The following LAMA3 variants were observed in gnomAD, a reference collection of about 807,000 sequenced individuals.
LAMA3 encodes the protein laminin subunit alpha-3.
A neutral mutation model predicts 402.0 loss-of-function variants in LAMA3; 281 were observed. The observed-to-expected ratio is 0.70, with a 90% confidence interval of 0.63 to 0.77. The LOEUF is 0.77. Ranked by LOEUF, LAMA3 falls within the 30% of genes least tolerant of loss-of-function variation. The pLI, the probability that LAMA3 is intolerant of heterozygous loss-of-function variation, is 0.00. For missense variants in LAMA3, 3,840 were observed against 4,215.5 expected (o/e 0.91, Z 2.47); for synonymous variants, 1,431 against 1,558.4 (o/e 0.92, Z 1.93).
intron 2 of LAMA3, among the ~76,000 whole-genome samples, chr18:23,726,907 C>A (rs931745425): frequency 6.6e-6 from 1 of 152,054 alleles, no homozygotes; most frequent in Non-Finnish European, 1.5e-5. Context: ...AGTGAGCTAC[C>A]GTGCCCGGCC....
In LAMA3 at chr18:23,949,917, C is replaced by T. The variant is rs201759849; in HGVS notation, c.9504C>T (p.Val3168=). ...GIYFSEEGGH[V]VLAHSVLLGP... ...ATTTCTCTGAAGAAGGAGGTCATGT[C>T]GTCTTGGGTAAGGAGCAGTTCTATA... Residue 3168 remains valine (V), a synonymous_variant, in exon 71 of 75, where the codon GTC becomes GTT. Coordinates refer to ENST00000313654, the MANE Select transcript of LAMA3 (RefSeq NM_198129.4). The T allele has an allele frequency of 7.7e-5, 125 of 1,613,974 alleles. No homozygotes were observed. In the East Asian group the frequency reaches 2.7e-3, roughly 35 times the overall value.
chr18:23,922,559 G>T (rs2081878776), intron 62 of LAMA3, among the ~76,000 whole-genome samples: 1 of 152,184 alleles, frequency 6.6e-6, no homozygotes, highest in Non-Finnish European at 1.5e-5. Context: ...GAACCTGGGG[G>T]TGACATCTTT....
chr18:23,839,854 G>A lies in LAMA3; in HGVS notation c.3261G>A (p.Arg1087=). 1.2e-6 allele frequency: 2 copies of A among 1,614,180 alleles called. No homozygotes were observed. Among genetic ancestry groups the A allele is most frequent in the Non-Finnish European group, 1.7e-6 (2 of 1,180,032 alleles). ...TALILDVLSG[R]PFPHLPQQSS... is the part of the protein sequence containing the mutation. ...TAATTTTGGATGTTCTAAGTGGCAG[G>A]CCTTTCCCTCACCTGCCCCAGCAGT... Residue 1087 remains arginine, a synonymous_variant, in exon 27 of 75, where the codon AGG becomes AGA. Transcript: ENST00000313654. This position sits in a 1 kb window ranked among gnomAD's most constrained non-coding sequence, Gnocchi z 4.5.
chr18:23,867,193 C>T (rs1330424095), intron 36 of LAMA3, among the ~76,000 whole-genome samples: 1 of 152,194 alleles, frequency 6.6e-6, no homozygotes, highest in Non-Finnish European at 1.5e-5. Flanking sequence ...TTTCTTCCCA[C>T]CGCAGGCTGG....
chr18:23,834,083 T>C, intron 24 of LAMA3, 95 bp downstream of exon 24: 1 of 1,420,704 alleles, frequency 7.0e-7, no homozygotes, highest in Non-Finnish European at 9.9e-7. Context: ...GAGGTTATTT[T>C]CTTTTTGAGG....
intron 43 of LAMA3, 99 bp from the exon 44 acceptor site, chr18:23,894,808 T>A (rs2080816878): frequency 6.7e-7 from 1 of 1,482,360 alleles, no homozygotes; most frequent in Admixed American, 1.7e-5. Context: ...CCCGTGACGA[T>A]CTGCGTGCAT....
At chr18:23,815,310 G>T in intron 16 of LAMA3, 70 bp downstream of exon 16, 2 of 1,462,130 alleles carry the variant, frequency 1.4e-6, no homozygotes, top group Non-Finnish European at 1.9e-6. Flanking sequence ...GTTTCTGGGG[G>T]CGTGTGTTAG....
chr18:23,700,963 G>C (rs1226026366), intron 1 of LAMA3, among the ~76,000 whole-genome samples: 2 of 152,188 alleles, frequency 1.3e-5, no homozygotes, highest in Admixed American at 1.3e-4. Flanking sequence ...CTCCAAAAGT[G>C]CTGGGATTAC....
At chr18:23,852,788 A>G (rs2063975380) in intron 32 of LAMA3, among the ~76,000 whole-genome samples, 1 of 152,068 alleles carries the variant, frequency 6.6e-6, no homozygotes, top group Non-Finnish European at 1.5e-5. Context: ...AACTTTTAGT[A>G]CCTTTTTGTT....
At chr18:23,921,789 G>A (rs1259724348) in intron 62 of LAMA3, among the ~76,000 whole-genome samples, 1 of 152,218 alleles carries the variant, frequency 6.6e-6, no homozygotes, top group Non-Finnish European at 1.5e-5. Context: ...AGGAGGGTGG[G>A]GGAATGTGTG....
At chr18:23,751,849 T>A (rs1349512716) in intron 5 of LAMA3, among the ~76,000 whole-genome samples, 1 of 152,146 alleles carries the variant, frequency 6.6e-6, no homozygotes, top group Non-Finnish European at 1.5e-5. Flanking sequence ...TTCCACCCTC[T>A]GATCTACTGG....
chr18:23,693,500 C>A (rs1206442399), intron 1 of LAMA3, among the ~76,000 whole-genome samples: 1 of 150,494 alleles, frequency 6.6e-6, no homozygotes, highest in African/African-American at 2.4e-5. Context: ...TAGCAGGATT[C>A]CCTCAGCTCT....
intron 12 of LAMA3, among the ~76,000 whole-genome samples, chr18:23,796,452 GGCAAA>G (rs1254521535): frequency 6.6e-6 from 1 of 152,104 alleles, no homozygotes; most frequent in African/African-American, 2.4e-5. Context: ...AAGACAGGGT[GGCAAA>G]ACTATGTGTC....
chr18:23,836,853 GA>G, intron 24 of LAMA3, 127 bp from the exon 25 acceptor site: 1 of 718,224 alleles, frequency 1.4e-6, no homozygotes. Context: ...CATCATGCAG[GA>G]AAATTCACTA....
chr18:23,941,206 G>T (rs867064846), intron 68 of LAMA3, among the ~76,000 whole-genome samples: 12 of 151,964 alleles, frequency 7.9e-5, no homozygotes, highest in Admixed American at 4.6e-4. Context: ...AAAGTGCTGG[G>T]ATTACAGGCG....
intron 22 of LAMA3, 54 bp from the exon 23 acceptor site, chr18:23,827,260 G>A (rs1395869158): frequency 7.0e-6 from 11 of 1,579,544 alleles, no homozygotes; most frequent in South Asian, 3.3e-5. Context: ...TTGATATTCC[G>A]TTTGATGTTC....
intron 23 of LAMA3, among the ~76,000 whole-genome samples, chr18:23,829,992 G>A (rs57107986): frequency 0.034 from 5,218 of 152,198 alleles, 281 homozygotes; most frequent in African/African-American, 0.12. Flanking sequence ...CGATCTGGCC[G>A]CTGTCTCCTA....
intron 62 of LAMA3, among the ~76,000 whole-genome samples, chr18:23,924,056 T>C (rs977124197): frequency 1.3e-5 from 2 of 152,206 alleles, no homozygotes; most frequent in African/African-American, 4.8e-5. Context: ...GGTCTTGCTG[T>C]GTTGCCCAGG....
Position 23,861,647 on chromosome 18 carries a change from T to G in LAMA3, c.4424T>G (p.Phe1475Cys). The G allele has an allele frequency of 6.2e-7, 1 of 1,614,144 alleles. No individual in the cohort carries two copies. Among genetic ancestry groups the G allele is most frequent in the Non-Finnish European group, 8.5e-7 (1 of 1,180,022 alleles). ...CCTTGCTTCTCTCCCTCTTTCCAGTTTGTGGATATGCTGGGCTGGCACCTG... is the reference window on the plus strand; with the variant it reads ...CCTTGCTTCTCTCCCTCTTTCCAGTGTGTGGATATGCTGGGCTGGCACCTG... ...CHSSHKRRTKFVDMLGWHLET... is the reference protein window; with the variant it reads ...CHSSHKRRTKCVDMLGWHLET... The change falls in exon 35 of 75, where the codon TTT becomes TGT. Residue 1475 changes from phenylalanine to cysteine, a missense_variant and splice_region_variant. Phe to Cys is a radical substitution (Grantham distance 205, BLOSUM62 -2). Coordinates refer to ENST00000313654, the MANE Select transcript of LAMA3 (RefSeq NM_198129.4).
Sources: allele counts gnomAD v4.1 joint callset (sites outside exome capture counted in the v4.1 genomes callset), GRCh38; gene constraint gnomAD v4.1.1; non-coding constraint Gnocchi (gnomAD v3.1); transcripts MANE v1.5; gene names NCBI Gene and HGNC (gene_info 2026-07-23, HGNC 2026-07-21).